Variants in TENM1 observed in about 807,000 individuals in gnomAD.
The protein encoded by TENM1 is teneurin transmembrane protein 1.
Under a neutral mutation model 174.8 loss-of-function variants are expected in TENM1, and 35 were observed. The observed-to-expected ratio is 0.20, with a 90% CI of 0.15 to 0.27. The LOEUF (loss-of-function observed/expected upper bound fraction) is 0.27. Among genes scored for constraint, TENM1 ranks in the 10% least tolerant of loss-of-function variants. TENM1 has a pLI of 1.00. For missense variants in TENM1, 1,633 were observed against 2,130.1 expected (o/e 0.77, Z 4.59); for synonymous variants, 781 against 798.7 (o/e 0.98, Z 0.37).
At chrX:124,674,543 C>G (rs1166772706) in intron 5 of TENM1, among the ~76,000 whole-genome samples, 3 of 110,959 alleles carry the variant, frequency 2.7e-5, no homozygotes, top group Non-Finnish European at 5.7e-5. Context: ...AACTTTTAAG[C>G]ATTTAACTGG....
intron 3 of TENM1, among the ~76,000 whole-genome samples, chrX:124,864,733 C>CAT (rs2056972472): frequency 9.1e-6 from 1 of 110,396 alleles, no homozygotes; most frequent in Non-Finnish European, 1.9e-5. Flanking sequence ...CCTAGAGAAA[C>CAT]ATATCAATAA....
At chrX:125,194,826 G>A in the TENM1 span, among the ~76,000 whole-genome samples, 57 of 111,674 alleles carry the variant, frequency 5.1e-4, no homozygotes, top group South Asian at 0.021. Context: ...AAGGTCATGT[G>A]GAATGTGATT....
chrX:124,914,657 T>TC (rs2057892609), intron 1 of TENM1, among the ~76,000 whole-genome samples: 1 of 111,571 alleles, frequency 9.0e-6, no homozygotes, highest in African/African-American at 3.3e-5. Flanking sequence ...AACCTAGGCA[T>TC]CCCCCATACC....
intron 11 of TENM1, among the ~76,000 whole-genome samples, chrX:124,633,532 A>C (rs2050808749): frequency 9.0e-6 from 1 of 111,549 alleles, no homozygotes; most frequent in Admixed American, 9.6e-5. Context: ...CAGAACAAAA[A>C]TGTAAAAGAT....
chrX:124,653,323 C>T lies in TENM1; in HGVS notation c.1368+261G>A, dbSNP rs377378966. Among the ~76,000 whole-genome samples, 342 of 111,396 alleles carry T rather than the reference C, an allele frequency of 3.1e-3. 2 individuals carry two copies. Among genetic ancestry groups the T allele is most frequent in the African/African-American group, 0.011 (324 of 30,683 alleles). Reference sequence around the variant, plus strand: ...GAGGTCTGGGAAGCTCATGAACAGCCGGTTCCAGGAAGCAGAAGTCAAATT... The same window carrying T: ...GAGGTCTGGGAAGCTCATGAACAGCTGGTTCCAGGAAGCAGAAGTCAAATT... On this transcript the variant is annotated intron_variant, in intron 7 of 31. Transcript: ENST00000422452.
the TENM1 span, among the ~76,000 whole-genome samples, chrX:124,993,814 G>GCA: frequency 0.06 from 6,460 of 107,129 alleles, 502 homozygotes; most frequent in African/African-American, 0.21. Flanking sequence ...ACGTGTGCAT[G>GCA]CACACACACA....
At chrX:125,136,295 G>A in the TENM1 span, among the ~76,000 whole-genome samples, 1 of 111,171 alleles carries the variant, frequency 9.0e-6, no homozygotes, top group South Asian at 3.8e-4. Context: ...AAGAGACACT[G>A]CCAAGGTGCT....
intron 3 of TENM1, among the ~76,000 whole-genome samples, chrX:124,765,027 G>T (rs998439234): frequency 9.0e-6 from 1 of 111,271 alleles, no homozygotes; most frequent in African/African-American, 3.3e-5. Context: ...GAAATCTAAA[G>T]AAAGAAGCTA....
intron 1 of TENM1, among the ~76,000 whole-genome samples, chrX:124,914,456 A>G: frequency 9.0e-6 from 1 of 111,450 alleles, no homozygotes; most frequent in Middle Eastern, 4.7e-3. Flanking sequence ...AAGAGGGTAG[A>G]GTTTAGACTC....
chrX:125,022,251 T>G, the TENM1 span, among the ~76,000 whole-genome samples: 40 of 111,996 alleles, frequency 3.6e-4, no homozygotes, highest in Non-Finnish European at 5.1e-4. Context: ...ACATAGGTTT[T>G]TCAAGGAAAC....
chrX:124,962,708 C>T (rs2058672850), intron 1 of TENM1, among the ~76,000 whole-genome samples: 1 of 110,534 alleles, frequency 9.0e-6, no homozygotes, highest in Non-Finnish European at 1.9e-5. Flanking sequence ...ATCCCAGCTA[C>T]TCAGGTGGCT....
intron 11 of TENM1, among the ~76,000 whole-genome samples, chrX:124,577,738 A>G (rs2049202613): frequency 8.9e-6 from 1 of 111,777 alleles, no homozygotes; most frequent in African/African-American, 3.2e-5. Flanking sequence ...TAGGAAAGCT[A>G]TGAGGAGGTA....
At chrX:124,751,487 CATTTT>C (rs1343434955) in intron 3 of TENM1, among the ~76,000 whole-genome samples, 4 of 109,975 alleles carry the variant, frequency 3.6e-5, no homozygotes, top group African/African-American at 1.3e-4. Flanking sequence ...GTTCTTTTTT[CATTTT>C]ATTTTATTAT....
At chrX:125,023,192 G>A in the TENM1 span, among the ~76,000 whole-genome samples, 8,253 of 110,657 alleles carry the variant, frequency 0.075, 763 homozygotes, top group African/African-American at 0.26. Context: ...TTATGGGGGC[G>A]GTTTCTCCCA....
intron 1 of TENM1, among the ~76,000 whole-genome samples, chrX:124,951,735 AAAAG>A (rs1206743814): frequency 9.7e-6 from 1 of 103,389 alleles, no homozygotes; most frequent in Admixed American, 1.1e-4. Context: ...TTAATTTACC[AAAAG>A]AAAGTGCTGT....
chrX:124,836,820 T>C (rs1446371230), intron 3 of TENM1, among the ~76,000 whole-genome samples: 2 of 112,502 alleles, frequency 1.8e-5, no homozygotes, highest in African/African-American at 6.5e-5. Flanking sequence ...CTTGGTTTGC[T>C]ACTACTTGAT....
the TENM1 span, among the ~76,000 whole-genome samples, chrX:125,154,743 C>T: frequency 1.8e-5 from 2 of 110,218 alleles, no homozygotes; most frequent in Non-Finnish European, 3.8e-5. Flanking sequence ...TTTCTTCCTT[C>T]TGGGTGGGTT....
intron 22 of TENM1, among the ~76,000 whole-genome samples, chrX:124,462,895 G>A (rs934590299): frequency 8.9e-6 from 1 of 111,774 alleles, no homozygotes; most frequent in African/African-American, 3.3e-5. Context: ...AGGATGCAGT[G>A]ACAATGTCTT....
intron 4 of TENM1, among the ~76,000 whole-genome samples, chrX:124,732,986 T>A (rs1304931143): frequency 9.0e-6 from 1 of 111,691 alleles, no homozygotes; most frequent in African/African-American, 3.3e-5. Flanking sequence ...AACCTGAATG[T>A]CTCTGGCTTC....
Sources: gnomAD v4.1 joint callset for allele counts (sites outside exome capture counted in the v4.1 genomes callset) on GRCh38, gnomAD v4.1.1 for gene constraint, MANE v1.5 for transcripts, NCBI Gene and HGNC (gene_info 2026-07-23, HGNC 2026-07-21) for gene names.